The following ITFG2 variants were observed in gnomAD, a reference collection of about 807,000 sequenced individuals.
ITFG2 encodes integrin alpha FG-GAP repeat containing 2.
A neutral mutation model predicts 54.4 loss-of-function variants in ITFG2; 36 were observed. The ratio of observed to expected loss-of-function variants is 0.66; its 90% CI spans 0.51 to 0.87. The LOEUF (loss-of-function observed/expected upper bound fraction) is 0.87, where lower values mean the gene tolerates loss of function less well. Ranked by LOEUF, ITFG2 falls within the 40% of genes least tolerant of loss-of-function variation. The probability of loss-of-function intolerance (pLI) is 0.00; values close to 1 mark genes in which losing one functional copy is unlikely to be tolerated. For missense variants in ITFG2, 524 were observed against 576.7 expected, an observed-to-expected ratio of 0.91 and a Z score of 0.94; for synonymous variants, 211 against 225.4, an observed-to-expected ratio of 0.94 and a Z score of 0.57.
upstream of ITFG2, chr12:2,836,765 GAA>G (rs977645382): frequency 6.6e-6 from 1 of 152,222 alleles, no homozygotes; most frequent in Non-Finnish European, 1.5e-5. Flanking sequence ...GACGCAGAGA[GAA>G]ACGCACATGG....
At chr12:2,827,303 CG>C, downstream of ITFG2, 1 of 1,612,704 alleles carries the variant, frequency 6.2e-7, no homozygotes, top group Non-Finnish European at 8.5e-7. The surrounding 1 kb of genome is among the most constrained non-coding windows in gnomAD (Gnocchi z 4.0). Flanking sequence ...TGCAGCACTG[CG>C]GGGTGTAGAG....
upstream of ITFG2, among the ~76,000 whole-genome samples, chr12:2,836,496 A>G (rs944513704): frequency 6.6e-6 from 1 of 152,216 alleles, no homozygotes; most frequent in African/African-American, 2.4e-5. Context: ...GCTTCTAGGA[A>G]CCAAGCCTCT....
upstream of ITFG2, among the ~76,000 whole-genome samples, chr12:2,833,679 G>A (rs781304428): frequency 2.0e-5 from 3 of 152,108 alleles, no homozygotes; most frequent in Non-Finnish European, 4.4e-5. Flanking sequence ...TCTCTTCCAC[G>A]GGTCAGAGGC....
intron 4 of ITFG2, 41 bp downstream of exon 4, chr12:2,818,318 G>A (rs1219603519): frequency 6.2e-7 from 1 of 1,604,858 alleles, no homozygotes; most frequent in South Asian, 1.1e-5. Flanking sequence ...GAGAGTAGGA[G>A]TCAGTGGATA....
intron 1 of ITFG2, among the ~76,000 whole-genome samples, chr12:2,813,688 C>G (rs1375689400): frequency 6.6e-6 from 1 of 151,946 alleles, no homozygotes; most frequent in Non-Finnish European, 1.5e-5. Context: ...CTGTATTGCC[C>G]CCTTCTACCC....
chr12:2,821,931 CTTTTTT>C, intron 9 of ITFG2, 139 bp downstream of exon 9: 1 of 518,392 alleles, frequency 1.9e-6, no homozygotes. Flanking sequence ...TTTTTTTTTC[CTTTTTT>C]TTTTTTTTGA....
chr12:2,846,076 A>G lies in ITFG2; in HGVS notation n.300+5081A>G, dbSNP rs540823434. 2.3e-4 allele frequency among the ~76,000 whole-genome samples: 35 copies of G among 152,184 alleles called. No individual in the cohort carries two copies. In the South Asian group the frequency reaches 3.7e-3, roughly 16 times the overall value. ...TGCTATTGCTGCCCCGCAGACCCCC[A>G]TGGCCTGCTGGAGCTAGGGGGCGCC... On this transcript the variant is annotated intron_variant and non_coding_transcript_variant, in intron 2 of 3. Coordinates refer to the ITFG2 transcript ENST00000537710.
chr12:2,822,500 C>T (rs541152832), intron 9 of ITFG2, among the ~76,000 whole-genome samples: 1 of 152,258 alleles, frequency 6.6e-6, no homozygotes, highest in South Asian at 2.1e-4. Context: ...TTTATATTGC[C>T]ATCAGGCATG....
intron 2 of ITFG2, chr12:2,830,699 G>A (rs749573022): frequency 1.2e-6 from 2 of 1,605,108 alleles, no homozygotes; most frequent in Non-Finnish European, 1.7e-6. Flanking sequence ...TCCCTGGGAG[G>A]CCTCTCACCT....
chr12:2,828,233 T>G (rs771186141), downstream of ITFG2: 2 of 1,225,068 alleles, frequency 1.6e-6, no homozygotes, highest in Non-Finnish European at 2.4e-6. Context: ...TTTATTGAGA[T>G]AAAATATGCA....
Position 2,845,499 on chromosome 12 carries a change from T to A in ITFG2, n.300+4504T>A, listed in dbSNP as rs908239991. Among the ~76,000 whole-genome samples the A allele has an allele frequency of 8.6e-5, 13 of 151,988 alleles. No individual in the cohort carries two copies. Among genetic ancestry groups the A allele is most frequent in the African/African-American group, 2.7e-4 (11 of 41,346 alleles). On this transcript the variant is annotated intron_variant and non_coding_transcript_variant, in intron 2 of 3. Transcript: ENST00000537710. This position sits in a 1 kb window ranked among gnomAD's most constrained non-coding sequence, Gnocchi z 4.2. ...AGCAGCTCAGGTCATGACACCAAGA[T>A]CAGGCTTGGAAAGGGGGAGGTGGAG...
intron 2 of ITFG2, chr12:2,849,535 G>A: frequency 6.5e-7 from 1 of 1,536,010 alleles, no homozygotes; most frequent in Non-Finnish European, 8.7e-7. Flanking sequence ...CCTGTTGGGA[G>A]AAGGGTATGG....
Position 2,823,835 on chromosome 12 carries a change from A to T in ITFG2, c.1132A>T (p.Ile378Phe), listed in dbSNP as rs1363786276. The T allele has an allele frequency of 5.6e-6, 9 of 1,610,772 alleles. No individual in the cohort carries two copies. Among genetic ancestry groups the T allele is most frequent in the African/African-American group, 1.3e-5 (1 of 74,826 alleles). Reference protein sequence around the residue: ...CLVYVTFNQKIYVYWEVQLER... With the variant: ...CLVYVTFNQKFYVYWEVQLER... ...CGTATATGTCACTTTCAACCAGAAG[A>T]TCTATGTGTACTGGGAGGTGCAGCT... The change falls in exon 11 of 12, where the codon ATC becomes TTC. Residue 378 changes from isoleucine to phenylalanine, a missense_variant. Physicochemically the swap from Ile to Phe is conservative, Grantham distance 21. Transcript: ENST00000228799.
At chr12:2,844,107 A>T (rs1565443434) in intron 2 of ITFG2, among the ~76,000 whole-genome samples, 1 of 148,412 alleles carries the variant, frequency 6.7e-6, no homozygotes, top group East Asian at 2.2e-4. Flanking sequence ...ATACAAAAAA[A>T]AATAGCCAGG....
chr12:2,820,047 G>T (rs369652729), intron 4 of ITFG2, 39 bp from the exon 5 acceptor site: 1 of 1,574,558 alleles, frequency 6.4e-7, no homozygotes. Flanking sequence ...GGGGCTGCTC[G>T]TGGGACTCCA....
chr12:2,826,822 A>G (rs561797862), downstream of ITFG2: 76 of 275,134 alleles, frequency 2.8e-4, 2 homozygotes, highest in African/African-American at 1.7e-3. Context: ...TGGTGTGGGA[A>G]GTTGAGTTGT....
chr12:2,816,562 C>T (rs2097922308), intron 1 of ITFG2, among the ~76,000 whole-genome samples: 1 of 151,980 alleles, frequency 6.6e-6, no homozygotes, highest in African/African-American at 2.4e-5. Context: ...ATCTCCTGAC[C>T]TCATGATCCG....
At chr12:2,859,092 C>T (rs2098101456) in intron 3 of ITFG2, 3 of 1,606,938 alleles carry the variant, frequency 1.9e-6, no homozygotes, top group Non-Finnish European at 1.7e-6. Flanking sequence ...GACAGATTTG[C>T]TCGGGGTGGA....
downstream of ITFG2, chr12:2,827,874 C>G: frequency 6.2e-7 from 1 of 1,612,364 alleles, no homozygotes; most frequent in African/African-American, 1.3e-5. This position sits in a 1 kb window ranked among gnomAD's most constrained non-coding sequence, Gnocchi z 4.0. Flanking sequence ...TGCCCCACCC[C>G]AAAGAGAAAG....
Sources: gnomAD v4.1 joint callset for allele counts (sites outside exome capture counted in the v4.1 genomes callset) on GRCh38, gnomAD v4.1.1 for gene constraint, Gnocchi (gnomAD v3.1) non-coding constraint, MANE v1.5 for transcripts, NCBI Gene and HGNC (gene_info 2026-07-23, HGNC 2026-07-21) for gene names.